PDE12: variants seen among roughly 807,000 people sequenced by gnomAD.
PDE12 encodes the protein phosphodiesterase 12, also known as 2',5'-phosphodiesterase 12.
A neutral mutation model predicts 45.4 loss-of-function variants in PDE12; 26 were observed. The ratio of observed to expected loss-of-function variants is 0.57; its 90% CI spans 0.42 to 0.79. PDE12 has a LOEUF of 0.79. Among genes scored for constraint, PDE12 ranks in the 30% least tolerant of loss-of-function variants. The pLI is 0.00. For synonymous variants in PDE12, 283 were observed against 323.9 expected (o/e 0.87, Z 1.36); for missense variants, 668 against 790.0 (o/e 0.85, Z 1.85).
the PDE12 span, among the ~76,000 whole-genome samples, chr3:57,596,421 A>G: frequency 2.0e-5 from 3 of 152,238 alleles, no homozygotes; most frequent in Non-Finnish European, 4.4e-5. Flanking sequence ...AAAGAAATAG[A>G]AGATAAGCTC....
chr3:57,588,316 G>T, the PDE12 span, among the ~76,000 whole-genome samples: 1 of 152,232 alleles, frequency 6.6e-6, no homozygotes, highest in African/African-American at 2.4e-5. Flanking sequence ...TGTAATCCTA[G>T]CACTTTGGGA....
chr3:57,624,777 G>T, the PDE12 span, among the ~76,000 whole-genome samples: 91 of 151,566 alleles, frequency 6.0e-4, no homozygotes, highest in African/African-American at 1.6e-3. Context: ...AAAAAAAAAA[G>T]AATAATATAA....
downstream of PDE12, among the ~76,000 whole-genome samples, chr3:57,567,406 A>G (rs1271330247): frequency 6.6e-6 from 1 of 152,170 alleles, no homozygotes; most frequent in East Asian, 1.9e-4. Context: ...CCTCTAACAC[A>G]TGAAGCCATA....
the PDE12 span, chr3:57,597,947 C>G: frequency 6.6e-6 from 1 of 152,190 alleles, no homozygotes. Flanking sequence ...TGAGCTAGGG[C>G]TAGACGCTTC....
At chr3:57,638,467 G>C in the PDE12 span, among the ~76,000 whole-genome samples, 1 of 151,070 alleles carries the variant, frequency 6.6e-6, no homozygotes, top group South Asian at 2.1e-4. Flanking sequence ...AGACCAGCCT[G>C]GCCAACATGG....
chr3:57,598,315 AC>A, the PDE12 span: 3 of 152,138 alleles, frequency 2.0e-5, no homozygotes, highest in African/African-American at 7.2e-5. Flanking sequence ...GCTTATTCCA[AC>A]TGGTATATTT....
At chr3:57,613,306 T>G in the PDE12 span, among the ~76,000 whole-genome samples, 3 of 148,830 alleles carry the variant, frequency 2.0e-5, no homozygotes, top group Admixed American at 6.7e-5. Context: ...ACTTTTTTTT[T>G]TTTTTTTGAG....
At chr3:57,578,886 GA>G in the PDE12 span, among the ~76,000 whole-genome samples, 1 of 141,088 alleles carries the variant, frequency 7.1e-6, no homozygotes, top group African/African-American at 2.6e-5. Context: ...TTTTCAGCTA[GA>G]AAAGGGGGGG....
At chr3:57,650,421 TACACAC>T in the PDE12 span, among the ~76,000 whole-genome samples, 192 of 149,972 alleles carry the variant, frequency 1.3e-3, 1 homozygote, top group East Asian at 0.026. Context: ...TGCATTTACA[TACACAC>T]ACACACACAC....
chr3:57,630,633 A>G, the PDE12 span: 1 of 1,537,506 alleles, frequency 6.5e-7, no homozygotes, highest in African/African-American at 1.4e-5. Context: ...TTTTTTAAAA[A>G]GAATAAGCTT....
the PDE12 span, chr3:57,641,815 T>C: frequency 5.9e-6 from 8 of 1,352,696 alleles, no homozygotes; most frequent in Middle Eastern, 2.0e-4. Flanking sequence ...CAGTGAAGAA[T>C]AGTTTACTTT....
the PDE12 span, among the ~76,000 whole-genome samples, chr3:57,632,835 T>C: frequency 1.3e-5 from 2 of 152,326 alleles, no homozygotes; most frequent in East Asian, 1.9e-4. Flanking sequence ...AAGACAGATA[T>C]AGTCCCTGTT....
In PDE12 at chr3:57,557,270, T is replaced by C. The variant is rs1269467166; in HGVS notation, c.891T>C (p.Thr297=). 3 of 1,613,984 alleles carry C rather than the reference T, an allele frequency of 1.9e-6. No homozygotes were observed. The East Asian group carries it at 6.7e-5, about 36-fold the overall frequency. Residue 297 remains threonine (T), a synonymous_variant, in exon 1 of 3, where the codon ACT becomes ACC. Transcript: ENST00000311180. ...KKVTEDALIR[T]VSYNILADTY... ...TGACTGAGGACGCTCTCATCCGCAC[T>C]GTCTCTTACAACATCCTGGCAGACA...
the PDE12 span, among the ~76,000 whole-genome samples, chr3:57,585,819 CA>C: frequency 1.3e-5 from 2 of 152,016 alleles, no homozygotes; most frequent in Non-Finnish European, 2.9e-5. Flanking sequence ...CGTGCCACCA[CA>C]CCCCAGCTAA....
At chr3:57,632,021 C>CTTTTTTTT in the PDE12 span, among the ~76,000 whole-genome samples, 1 of 96,026 alleles carries the variant, frequency 1.0e-5, no homozygotes, top group African/African-American at 4.1e-5. Flanking sequence ...CGCGCCCGGC[C>CTTTTTTTT]TTTTTTTTTT....
the PDE12 span, among the ~76,000 whole-genome samples, chr3:57,643,613 A>G: frequency 6.6e-6 from 1 of 151,888 alleles, no homozygotes; most frequent in South Asian, 2.1e-4. Context: ...GGATCACTTG[A>G]GGTCAGGAGT....
At chr3:57,617,627 C>T in the PDE12 span, among the ~76,000 whole-genome samples, 3 of 151,932 alleles carry the variant, frequency 2.0e-5, no homozygotes, top group Admixed American at 2.0e-4. Flanking sequence ...CTTTGGGAGG[C>T]CGAGGTGGGA....
At chr3:57,602,406 G>A in the PDE12 span, among the ~76,000 whole-genome samples, 3 of 152,180 alleles carry the variant, frequency 2.0e-5, no homozygotes, top group Non-Finnish European at 4.4e-5. Flanking sequence ...GAATATCTGT[G>A]CTTCTACAGA....
At chr3:57,584,474 G>A in the PDE12 span, 7 of 1,605,950 alleles carry the variant, frequency 4.4e-6, no homozygotes, top group Admixed American at 5.0e-5. Context: ...ACTAGAAGAA[G>A]ACATTATAGA....
Sources: gnomAD v4.1 joint callset for allele counts (sites outside exome capture counted in the v4.1 genomes callset) on GRCh38, gnomAD v4.1.1 for gene constraint, MANE v1.5 for transcripts, NCBI Gene and HGNC (gene_info 2026-07-23, HGNC 2026-07-21) for gene names.